Variants in CSMD1 observed in about 807,000 individuals in gnomAD.
CSMD1 encodes CUB and Sushi multiple domains 1, also known as CUB and sushi domain-containing protein 1.
Under a neutral mutation model 417.5 loss-of-function variants are expected in CSMD1, and 213 were observed. That is an observed-to-expected ratio of 0.51 (90% CI 0.46 to 0.57). The LOEUF is 0.57. Ranked by LOEUF, CSMD1 falls within the 20% of genes least tolerant of loss-of-function variation. The pLI is 0.00. For missense variants in CSMD1, 6,923 were observed against 4,529.7 expected (o/e 1.53, Z -15.17); for synonymous variants, 2,862 against 1,736.8 (o/e 1.65, Z -16.11).
chr8:2,959,915 G>A (rs1329671742), intron 62 of CSMD1, among the ~76,000 whole-genome samples: 1 of 152,168 alleles, frequency 6.6e-6, no homozygotes, highest in Non-Finnish European at 1.5e-5. Flanking sequence ...AAATCTTGCT[G>A]TTGGATAAAA....
chr8:3,634,481 G>A (rs576968537), intron 7 of CSMD1, among the ~76,000 whole-genome samples: 2 of 152,268 alleles, frequency 1.3e-5, no homozygotes, highest in Admixed American at 1.3e-4. Flanking sequence ...ACTGGGAGTG[G>A]ACAACCGCAA....
At chr8:4,552,895 G>C (rs1007200063) in intron 2 of CSMD1, among the ~76,000 whole-genome samples, 2 of 152,102 alleles carry the variant, frequency 1.3e-5, no homozygotes, top group African/African-American at 4.8e-5. Flanking sequence ...CTCTTCCCTA[G>C]GAACAGGTGA....
intron 9 of CSMD1, among the ~76,000 whole-genome samples, chr8:3,582,904 C>G (rs143842039): frequency 1.4e-3 from 220 of 152,268 alleles, no homozygotes; most frequent in African/African-American, 5.1e-3. Context: ...GTTACTCAAT[C>G]CAGCACTAAC....
intron 5 of CSMD1, among the ~76,000 whole-genome samples, chr8:3,939,374 G>A (rs1585001391): frequency 6.6e-6 from 1 of 152,214 alleles, no homozygotes; most frequent in East Asian, 1.9e-4. Flanking sequence ...ATGTTGGCAT[G>A]GATATGGTGA....
intron 3 of CSMD1, among the ~76,000 whole-genome samples, chr8:4,127,546 G>C (rs1281248780): frequency 3.3e-5 from 5 of 149,576 alleles, no homozygotes; most frequent in African/African-American, 9.9e-5. Flanking sequence ...GGTTTTCCTA[G>C]TCAGTTTTCC....
At chr8:3,079,548 G>T (rs528210224) in intron 49 of CSMD1, among the ~76,000 whole-genome samples, 1 of 152,168 alleles carries the variant, frequency 6.6e-6, no homozygotes, top group Non-Finnish European at 1.5e-5. Flanking sequence ...TGCTCTTTAT[G>T]TTCATAAGTG....
intron 5 of CSMD1, among the ~76,000 whole-genome samples, chr8:3,947,046 T>C (rs902664940): frequency 6.6e-6 from 1 of 152,178 alleles, no homozygotes; most frequent in African/African-American, 2.4e-5. Context: ...TCATGGCACT[T>C]GCTTGGTAAC....
chr8:4,721,678 C>G (rs1310481883), intron 1 of CSMD1, among the ~76,000 whole-genome samples: 1 of 152,070 alleles, frequency 6.6e-6, no homozygotes, highest in Admixed American at 6.6e-5. Context: ...ATAGAAATAT[C>G]ATATAACCCA....
chr8:4,607,085 T>C (rs1248900001), intron 2 of CSMD1, among the ~76,000 whole-genome samples: 1 of 152,208 alleles, frequency 6.6e-6, no homozygotes, highest in Non-Finnish European at 1.5e-5. Context: ...ATATGTTTAT[T>C]CATTTACTCA....
At position 3,895,421 on chromosome 8, in the gene CSMD1, T is replaced by C. The variant is rs182562905; in HGVS notation, c.818+102482A>G. ...GTGATTGTGGGTTTCTGTGGCCCTA[T>C]TAACACAACAGTGTCAATCCACAAT... is the stretch of plus-strand genomic sequence containing the variant. On this transcript the variant is annotated intron_variant, in intron 5 of 69. Coordinates refer to ENST00000635120, the MANE Select transcript of CSMD1 (RefSeq NM_033225.6). Among the ~76,000 whole-genome samples the C allele has an allele frequency of 9.0e-3, 1,377 of 152,252 alleles. 8 individuals carry two copies. The highest frequency in any genetic ancestry group is 0.013 in the Non-Finnish European group (878 of 68,010).
chr8:3,860,456 T>C (rs1804622601), intron 5 of CSMD1, among the ~76,000 whole-genome samples: 1 of 152,198 alleles, frequency 6.6e-6, no homozygotes, highest in African/African-American at 2.4e-5. Context: ...TATTTGAATG[T>C]AGGAGTTTGC....
intron 5 of CSMD1, among the ~76,000 whole-genome samples, chr8:3,798,220 T>C (rs752568199): frequency 1.3e-5 from 2 of 152,092 alleles, no homozygotes; most frequent in Non-Finnish European, 2.9e-5. Context: ...CTGTATGAAA[T>C]GAGCTGTAGC....
At chr8:3,179,472 T>C (rs765271582) in intron 37 of CSMD1, among the ~76,000 whole-genome samples, 1 of 152,154 alleles carries the variant, frequency 6.6e-6, no homozygotes. Context: ...GAGAAATATG[T>C]TAGTCTCTCT....
chr8:4,164,395 C>G (rs1326647861), intron 3 of CSMD1, among the ~76,000 whole-genome samples: 1 of 152,088 alleles, frequency 6.6e-6, no homozygotes, highest in African/African-American at 2.4e-5. Context: ...CTTACACATT[C>G]AGGTAAGTGA....
chr8:3,070,396 A>G (rs1044964096), intron 49 of CSMD1, among the ~76,000 whole-genome samples: 23 of 152,190 alleles, frequency 1.5e-4, no homozygotes, highest in African/African-American at 5.6e-4. Context: ...TTTCAACTTT[A>G]AGTCATTTAT....
At chr8:4,200,387 A>G (rs1473126092) in intron 3 of CSMD1, among the ~76,000 whole-genome samples, 1 of 152,196 alleles carries the variant, frequency 6.6e-6, no homozygotes, top group African/African-American at 2.4e-5. Context: ...CAACTTTAAA[A>G]AGCAGAAAAA....
At chr8:4,388,067 G>C (rs1372739934) in intron 3 of CSMD1, among the ~76,000 whole-genome samples, 1 of 152,016 alleles carries the variant, frequency 6.6e-6, no homozygotes, top group South Asian at 2.1e-4. Context: ...CACCTCATTT[G>C]GACTAATGTC....
chr8:3,720,556 A>C (rs1444691582), intron 6 of CSMD1, among the ~76,000 whole-genome samples: 2 of 151,440 alleles, frequency 1.3e-5, no homozygotes, highest in African/African-American at 4.9e-5. Flanking sequence ...TAACCTTCTT[A>C]AACAGGGGTG....
chr8:4,978,304 C>G (rs867957391), intron 1 of CSMD1, among the ~76,000 whole-genome samples: 1 of 152,130 alleles, frequency 6.6e-6, no homozygotes, highest in South Asian at 2.1e-4. Context: ...TCAAGGGTCC[C>G]TCTAATTTGA....
Sources: gnomAD v4.1 joint callset for allele counts (sites outside exome capture counted in the v4.1 genomes callset) on GRCh38, gnomAD v4.1.1 for gene constraint, MANE v1.5 for transcripts, NCBI Gene and HGNC (gene_info 2026-07-23, HGNC 2026-07-21) for gene names.